Variants in PHF21A observed in about 807,000 individuals in gnomAD.
The protein encoded by PHF21A is PHD finger protein 21A.
Under a neutral mutation model 82.5 loss-of-function variants are expected in PHF21A, and 11 were observed. The ratio of observed to expected loss-of-function variants is 0.13; its 90% CI spans 0.08 to 0.22. The LOEUF (loss-of-function observed/expected upper bound fraction) is 0.22. PHF21A is among the 10% of genes least tolerant of loss of function. The probability of loss-of-function intolerance (pLI) is 1.00; values close to 1 mark genes in which losing one functional copy is unlikely to be tolerated. For synonymous variants in PHF21A, 297 were observed against 302.8 expected (o/e 0.98, Z 0.20); for missense variants, 579 against 837.8 (o/e 0.69, Z 3.81).
intron 6 of PHF21A, among the ~76,000 whole-genome samples, chr11:46,060,731 T>G (rs183214589): frequency 6.6e-6 from 1 of 152,372 alleles, no homozygotes; most frequent in Non-Finnish European, 1.5e-5. Context: ...CTTTGTCAGA[T>G]GCACAGTTTG....
intron 6 of PHF21A, among the ~76,000 whole-genome samples, chr11:45,986,190 C>T (rs1199404169): frequency 6.6e-6 from 1 of 151,426 alleles, no homozygotes; most frequent in African/African-American, 2.4e-5. Flanking sequence ...GATTTACAGT[C>T]CATCTCTCTA....
At position 46,088,906 on chromosome 11, in the gene PHF21A, A is replaced by G. The variant is rs144251438; in HGVS notation, c.-84+1549T>C. On this transcript the variant is annotated intron_variant, in intron 3 of 18. Coordinates refer to ENST00000676320, the MANE Select transcript of PHF21A (RefSeq NM_001352027.3). ...CTGCAGGTCTTTCATTACGATTCTAATAACTCGAAGGAAAGCTATAACTCC... is the reference window on the plus strand; with the variant it reads ...CTGCAGGTCTTTCATTACGATTCTAGTAACTCGAAGGAAAGCTATAACTCC... Among the ~76,000 whole-genome samples, 253 of 152,202 alleles carry G rather than the reference A, an allele frequency of 1.7e-3. 1 individual carries two copies. Among genetic ancestry groups the G allele is most frequent in the African/African-American group, 5.6e-3 (233 of 41,532 alleles).
At chr11:45,960,226 A>G (rs909599007) in intron 10 of PHF21A, among the ~76,000 whole-genome samples, 8 of 152,244 alleles carry the variant, frequency 5.3e-5, no homozygotes, top group African/African-American at 1.7e-4. Flanking sequence ...ATGCTTGCAC[A>G]TGAATGTTCA....
chr11:46,065,172 A>C (rs941968983), intron 6 of PHF21A, among the ~76,000 whole-genome samples: 61 of 152,180 alleles, frequency 4.0e-4, no homozygotes, highest in African/African-American at 1.2e-3. Context: ...CAAATGCTCA[A>C]GGAGAAAATC....
intron 3 of PHF21A, among the ~76,000 whole-genome samples, chr11:46,085,952 A>T (rs889545823): frequency 6.6e-6 from 1 of 152,160 alleles, no homozygotes; most frequent in African/African-American, 2.4e-5. Context: ...AATAAATTCC[A>T]AAAGTGCAAA....
intron 1 of PHF21A, among the ~76,000 whole-genome samples, chr11:46,097,220 C>G (rs988438978): frequency 6.6e-5 from 10 of 152,130 alleles, no homozygotes; most frequent in African/African-American, 2.4e-4. Context: ...TTTCAAAATC[C>G]AAGACAGATC....
intron 9 of PHF21A, among the ~76,000 whole-genome samples, chr11:45,968,031 T>C (rs2093551268): frequency 6.6e-6 from 1 of 152,218 alleles, no homozygotes; most frequent in African/African-American, 2.4e-5. Flanking sequence ...AAACCTTAGA[T>C]TCCTTACCCT....
intron 6 of PHF21A, among the ~76,000 whole-genome samples, chr11:46,007,039 G>A (rs567301590): frequency 1.1e-3 from 173 of 152,288 alleles, no homozygotes; most frequent in Non-Finnish European, 2.1e-3. Context: ...CTGCAAGCTC[G>A]TTTTACAGGT....
intron 4 of PHF21A, among the ~76,000 whole-genome samples, chr11:46,083,168 TA>T (rs76595296): frequency 0.13 from 18,275 of 141,746 alleles, 2,251 homozygotes; most frequent in East Asian, 0.57. Context: ...GAAGCAAAGT[TA>T]AAAAAAAAAA....
At chr11:46,065,777 A>G (rs2096586884) in intron 6 of PHF21A, among the ~76,000 whole-genome samples, 1 of 152,186 alleles carries the variant, frequency 6.6e-6, no homozygotes, top group Non-Finnish European at 1.5e-5. Flanking sequence ...ACTAGGGTAT[A>G]AAGCGGGTGT....
At chr11:45,951,885 C>T (rs1452402029) in intron 11 of PHF21A, among the ~76,000 whole-genome samples, 2 of 150,602 alleles carry the variant, frequency 1.3e-5, no homozygotes, top group East Asian at 2.0e-4. Context: ...CGGCTCACTG[C>T]AACCTCTGCC....
intron 1 of PHF21A, among the ~76,000 whole-genome samples, chr11:46,111,508 A>C (rs1229584720): frequency 6.6e-6 from 1 of 152,114 alleles, no homozygotes; most frequent in Non-Finnish European, 1.5e-5. Flanking sequence ...ATAAAACTAA[A>C]GGCAGAGTTT....
At chr11:46,040,383 T>G (rs1044159184) in intron 6 of PHF21A, among the ~76,000 whole-genome samples, 2 of 152,004 alleles carry the variant, frequency 1.3e-5, no homozygotes, top group African/African-American at 4.8e-5. Context: ...ACAATAAAAG[T>G]TTTTTTTAGC....
chr11:46,094,894 G>A (rs1423838750), intron 1 of PHF21A, among the ~76,000 whole-genome samples: 6 of 151,990 alleles, frequency 3.9e-5, no homozygotes, highest in South Asian at 2.1e-4. Flanking sequence ...GTGAGTCTCC[G>A]TCCCAAAAAA....
At chr11:46,110,558 T>G (rs1409744389) in intron 1 of PHF21A, among the ~76,000 whole-genome samples, 1 of 35,290 alleles carries the variant, frequency 2.8e-5, no homozygotes, top group Non-Finnish European at 6.9e-5. Flanking sequence ...AACCTGATAT[T>G]TTCTATATTG....
At chr11:46,033,484 G>C (rs1257672262) in intron 6 of PHF21A, among the ~76,000 whole-genome samples, 3 of 152,052 alleles carry the variant, frequency 2.0e-5, no homozygotes, top group African/African-American at 7.2e-5. Flanking sequence ...GGCTGGTCTT[G>C]AACTCCTGGG....
intron 6 of PHF21A, among the ~76,000 whole-genome samples, chr11:46,065,456 A>G (rs1190026602): frequency 6.6e-6 from 1 of 152,204 alleles, no homozygotes; most frequent in Non-Finnish European, 1.5e-5. Context: ...GTGCTGAAAG[A>G]TGACCAGAAT....
rs193025277 is a variant in PHF21A, at chr11:45,951,651, T to C, written c.1096-1394A>G. The stretch of plus-strand genomic sequence containing the variant: ...AGGCTTTCCCCTAACTGTTGTTCTT[T>C]TGATGAAGCAGTGTGTGGACTGATA... On this transcript the variant is annotated intron_variant, in intron 11 of 18. Transcript: ENST00000676320. 1.3e-3 allele frequency among the ~76,000 whole-genome samples: 201 copies of C among 152,332 alleles called. 1 individual carries two copies. The highest frequency in any genetic ancestry group is 2.4e-3 in the African/African-American group (100 of 41,572).
Position 45,936,565 on chromosome 11 carries a change from A to G in PHF21A, c.1613T>C (p.Leu538Pro). 1 of 1,610,272 alleles carries G rather than the reference A, an allele frequency of 6.2e-7. No individual in the cohort carries two copies. Among genetic ancestry groups the G allele is most frequent in the Non-Finnish European group, 8.5e-7 (1 of 1,176,494 alleles). ...CCATGGAATTGCTTCTTCCTTCTTC[A>G]GCATCTGAAAAGATTTTTAGAATTT... ...WICPRCQDQM[L>P]KKEEAIPWPG... Residue 538 changes from leucine (L) to proline (P), a missense_variant, in exon 17 of 19, where the codon CTG (leucine) becomes CCG (proline). This residue lies in a region of PHF21A where 410 missense variants were observed against 642.1 expected (regional missense o/e 0.64). Transcript: ENST00000676320.
Sources: gnomAD v4.1 joint callset for allele counts (sites outside exome capture counted in the v4.1 genomes callset) on GRCh38, gnomAD v4.1.1 for gene constraint, gnomAD v4.1.1 regional missense constraint, MANE v1.5 for transcripts, NCBI Gene and HGNC (gene_info 2026-07-23, HGNC 2026-07-21) for gene names.